ACVR1: variants seen among roughly 807,000 people sequenced by gnomAD.
ACVR1 encodes the protein activin receptor type-1.
In ACVR1, 38 loss-of-function variants were observed where a neutral mutation model predicts 57.1. That is an observed-to-expected ratio of 0.67 (90% CI 0.51 to 0.87). ACVR1 has a LOEUF of 0.87. ACVR1 is among the 40% of genes least tolerant of loss of function. The probability of loss-of-function intolerance (pLI) is 0.00; values close to 1 mark genes in which losing one functional copy is unlikely to be tolerated. For missense variants in ACVR1, 463 were observed against 638.2 expected (o/e 0.73, Z 2.96); for synonymous variants, 212 against 228.1 (o/e 0.93, Z 0.63).
chr2:157,751,327 C>G (rs920946164), intron 9 of ACVR1, among the ~76,000 whole-genome samples: 11 of 152,228 alleles, frequency 7.2e-5, no homozygotes, highest in Non-Finnish European at 5.9e-5. Context: ...CTGGGGAAGC[C>G]ATTTCTGACT....
intron 9 of ACVR1, among the ~76,000 whole-genome samples, chr2:157,757,791 A>C (rs1685492179): frequency 6.6e-6 from 1 of 151,916 alleles, no homozygotes; most frequent in African/African-American, 2.4e-5. Context: ...CATCACAAAA[A>C]GACATGAAAG....
chr2:157,815,469 A>G (rs1687900611), intron 2 of ACVR1, among the ~76,000 whole-genome samples: 1 of 152,362 alleles, frequency 6.6e-6, no homozygotes, highest in Middle Eastern at 3.4e-3. Context: ...AACACCAGAT[A>G]CCGGAAAACT....
intron 1 of ACVR1, among the ~76,000 whole-genome samples, chr2:157,861,387 T>C (rs936892707): frequency 9.2e-5 from 14 of 152,198 alleles, no homozygotes; most frequent in Admixed American, 5.9e-4. Flanking sequence ...TTATGCAACA[T>C]CAAGTCTGTC....
Position 157,855,269 on chromosome 2 carries a change from A to AGTGT in ACVR1, c.-183+20523_-183+20526dup, listed in dbSNP as rs532193935. ...TCGTCTCTTAAAAAAAAAAAAAAAA[A>AGTGT]GTGTGTGTGTGTGTGTGTGTGTGTG... is the stretch of plus-strand genomic sequence containing the variant. On this transcript the variant is annotated intron_variant, in intron 1 of 10. Transcript: ENST00000434821. Among the ~76,000 whole-genome samples the AGTGT allele has an allele frequency of 2.1e-3, 177 of 85,172 alleles. 1 individual carries two copies. Among genetic ancestry groups the AGTGT allele is most frequent in the East Asian group, 5.6e-3 (12 of 2,142 alleles). The allele number at this position is 85,172 out of a possible 152,430, so 55.9% of individuals were successfully genotyped here.
intron 1 of ACVR1, among the ~76,000 whole-genome samples, chr2:157,834,488 T>C (rs968212557): frequency 6.6e-6 from 1 of 152,146 alleles, no homozygotes; most frequent in South Asian, 2.1e-4. Flanking sequence ...GAATATGCTC[T>C]TTCTCTAGAG....
intron 1 of ACVR1, among the ~76,000 whole-genome samples, chr2:157,822,041 CTG>C (rs1442862141): frequency 6.6e-6 from 1 of 152,180 alleles, no homozygotes; most frequent in Non-Finnish European, 1.5e-5. Context: ...CTTCTAGAAA[CTG>C]TGGCTTCTAA....
intron 3 of ACVR1, among the ~76,000 whole-genome samples, chr2:157,799,008 T>TG (rs1223438359): frequency 1.3e-5 from 2 of 152,004 alleles, no homozygotes; most frequent in East Asian, 3.9e-4. Flanking sequence ...GCAATTCTCC[T>TG]GCCTCAGCCT....
chr2:157,864,620 A>G (rs1415579538), intron 1 of ACVR1, among the ~76,000 whole-genome samples: 2 of 152,286 alleles, frequency 1.3e-5, no homozygotes, highest in East Asian at 3.9e-4. Context: ...CATCTTTTTA[A>G]GCAATACTGG....
At chr2:157,753,252 G>A (rs1012566912) in intron 9 of ACVR1, among the ~76,000 whole-genome samples, 3 of 152,218 alleles carry the variant, frequency 2.0e-5, no homozygotes, top group African/African-American at 7.2e-5. Flanking sequence ...CTTGACAGCC[G>A]GGTGTGGTGG....
chr2:157,803,064 C>T (rs1222667671), intron 2 of ACVR1, among the ~76,000 whole-genome samples: 4 of 151,746 alleles, frequency 2.6e-5, no homozygotes, highest in African/African-American at 9.7e-5. Flanking sequence ...GAATTTAGCT[C>T]AAGTAATAGT....
At position 157,822,820 on chromosome 2, in the gene ACVR1, C is replaced by T. The variant is rs557846085; in HGVS notation, c.-182-4261G>A. 3.9e-5 allele frequency among the ~76,000 whole-genome samples: 6 copies of T among 152,188 alleles called. No homozygotes were observed. In the South Asian group the frequency reaches 8.3e-4, roughly 21 times the overall value. The stretch of plus-strand genomic sequence containing the variant: ...ACAGAGTCCGTATGGCTTGCAAAAC[C>T]GAAAATATTTACTACCTGGCCCTTT... On this transcript the variant is annotated intron_variant, in intron 1 of 10. Coordinates refer to ENST00000434821, the MANE Select transcript of ACVR1 (RefSeq NM_001111067.4).
chr2:157,782,226 G>A (rs536448485), intron 3 of ACVR1, among the ~76,000 whole-genome samples: 94 of 152,236 alleles, frequency 6.2e-4, no homozygotes, highest in Middle Eastern at 6.8e-3. Flanking sequence ...TGGGTGCCTC[G>A]TCCCACAGAG....
At chr2:157,853,045 T>G (rs1051559270) in intron 1 of ACVR1, among the ~76,000 whole-genome samples, 24 of 152,246 alleles carry the variant, frequency 1.6e-4, no homozygotes, top group Non-Finnish European at 1.3e-4. Context: ...AACTAGAAGT[T>G]CAGTTAAATA....
rs558274361 is a variant in ACVR1 at position 157,843,102 on chromosome 2, T to C, written c.-182-24543A>G. Among the ~76,000 whole-genome samples the C allele has an allele frequency of 3.3e-5, 5 of 152,356 alleles. No homozygotes were observed. The South Asian group carries it at 6.2e-4, about 19-fold the overall frequency. On this transcript the variant is annotated intron_variant, in intron 1 of 10. Transcript: ENST00000434821. ...AGAGGCCTTGAACTTAGAGGAAGTA[T>C]AGCTTTACACAGCTAGCATGATAAA...
chr2:157,865,821 A>AAAAAAGAT (rs1553452951), intron 1 of ACVR1, among the ~76,000 whole-genome samples: 1 of 137,000 alleles, frequency 7.3e-6, no homozygotes, highest in Admixed American at 7.6e-5. Flanking sequence ...AAAAAGAAAA[A>AAAAAAGAT]AGATAGATAG....
intron 1 of ACVR1, among the ~76,000 whole-genome samples, chr2:157,829,925 G>A (rs1688522900): frequency 2.0e-5 from 3 of 152,094 alleles, no homozygotes; most frequent in Admixed American, 6.6e-5. Flanking sequence ...ATAAACAATA[G>A]GCCAAGAGGC....
At chr2:157,815,113 T>C (rs1359430811) in intron 2 of ACVR1, among the ~76,000 whole-genome samples, 2 of 151,980 alleles carry the variant, frequency 1.3e-5, no homozygotes, top group Admixed American at 1.3e-4. Context: ...ATAAAAAGAA[T>C]GCAGCGCTAC....
intron 2 of ACVR1, among the ~76,000 whole-genome samples, chr2:157,801,157 G>T (rs934058710): frequency 6.6e-6 from 1 of 152,172 alleles, no homozygotes; most frequent in Non-Finnish European, 1.5e-5. Flanking sequence ...ATCTAATAAA[G>T]TAGAAAATAA....
At chr2:157,831,547 T>C (rs1326609948) in intron 1 of ACVR1, among the ~76,000 whole-genome samples, 1 of 152,260 alleles carries the variant, frequency 6.6e-6, no homozygotes, top group Non-Finnish European at 1.5e-5. Context: ...TTAAATCCTA[T>C]TGTTTTCATA....
Sources: gnomAD v4.1 joint callset for allele counts (sites outside exome capture counted in the v4.1 genomes callset) on GRCh38, gnomAD v4.1.1 for gene constraint, MANE v1.5 for transcripts, NCBI Gene and HGNC (gene_info 2026-07-23, HGNC 2026-07-21) for gene names.